SLC8A1: variants seen among roughly 807,000 people sequenced by gnomAD.
SLC8A1 encodes solute carrier family 8 member A1.
Under a neutral mutation model 68.3 loss-of-function variants are expected in SLC8A1, and 18 were observed. The observed-to-expected ratio is 0.26, with a 90% CI of 0.18 to 0.39. The LOEUF is 0.39. Ranked by LOEUF, SLC8A1 falls within the 10% of genes least tolerant of loss-of-function variation. SLC8A1 has a pLI of 1.00. For synonymous variants in SLC8A1, 475 were observed against 415.5 expected, an observed-to-expected ratio of 1.14 and a Z score of -1.74; for missense variants, 985 against 1,156.7, an observed-to-expected ratio of 0.85 and a Z score of 2.15.
At chr2:40,098,368 G>GA (rs1282790912) in exon 8 of SLC8A1, 3 of 151,990 alleles carry the variant, frequency 2.0e-5, no homozygotes, top group Non-Finnish European at 4.4e-5. Flanking sequence ...GAGTATATTT[G>GA]AAATGGCTAG....
chr2:40,302,786 T>G (rs1472105079), intron 2 of SLC8A1, among the ~76,000 whole-genome samples: 3 of 152,112 alleles, frequency 2.0e-5, no homozygotes, highest in Non-Finnish European at 4.4e-5. Flanking sequence ...AAATGGTAGT[T>G]CCACTTTTAG....
At position 40,234,569 on chromosome 2, in the gene SLC8A1, T is replaced by C. The variant is rs1478575466; in HGVS notation, c.1809-56714A>G. Among the ~76,000 whole-genome samples the C allele has an allele frequency of 3.9e-5, 6 of 152,188 alleles. No individual in the cohort carries two copies. The East Asian group carries it at 1.2e-3, about 29-fold the overall frequency. The stretch of plus-strand genomic sequence containing the variant: ...AAAAGGGACAATTTGACTTCCTCTT[T>C]TCCTAATTGAATACCCTTTATTTCC... On this transcript the variant is annotated intron_variant, in intron 2 of 7. Coordinates refer to ENST00000406785, the Ensembl canonical transcript of SLC8A1.
chr2:40,367,208 G>C (rs1268410201), intron 2 of SLC8A1, among the ~76,000 whole-genome samples: 2 of 151,968 alleles, frequency 1.3e-5, no homozygotes, highest in African/African-American at 4.8e-5. Flanking sequence ...TAATCAGGCA[G>C]ATGGCATCCT....
chr2:40,279,553 C>T (rs1277542710), intron 2 of SLC8A1, among the ~76,000 whole-genome samples: 2 of 152,116 alleles, frequency 1.3e-5, no homozygotes, highest in Non-Finnish European at 2.9e-5. Context: ...AAAGCAAGAC[C>T]TATTAAGGCA....
chr2:40,154,676 T>TTTG (rs2044132440), intron 6 of SLC8A1, among the ~76,000 whole-genome samples: 1 of 151,990 alleles, frequency 6.6e-6, no homozygotes. Flanking sequence ...AGTTTTCTTT[T>TTTG]TTGTTTTTGG....
upstream of SLC8A1, among the ~76,000 whole-genome samples, chr2:40,456,545 G>C (rs1703035456): frequency 6.6e-6 from 1 of 152,124 alleles, no homozygotes; most frequent in South Asian, 2.1e-4. Flanking sequence ...ATCTGTGTTA[G>C]ATTTTTCAGA....
At chr2:40,188,352 T>A (rs1054100522) in intron 2 of SLC8A1, among the ~76,000 whole-genome samples, 1 of 152,246 alleles carries the variant, frequency 6.6e-6, no homozygotes, top group South Asian at 2.1e-4. Context: ...GCATCTTTTC[T>A]AGAAATGAAA....
chr2:40,258,881 A>G (rs575014210), intron 2 of SLC8A1, among the ~76,000 whole-genome samples: 10 of 151,884 alleles, frequency 6.6e-5, no homozygotes, highest in Middle Eastern at 3.4e-3. Context: ...AAAAAACCCA[A>G]TCTTCCTGAT....
At chr2:40,442,397 C>CAAAAAAAAA (rs550977492) in intron 1 of SLC8A1, among the ~76,000 whole-genome samples, 1 of 75,766 alleles carries the variant, frequency 1.3e-5, no homozygotes, top group Non-Finnish European at 2.7e-5. Context: ...CTTAAATTTA[C>CAAAAAAAAA]AAAAAAAAAA....
intron 2 of SLC8A1, among the ~76,000 whole-genome samples, chr2:40,345,881 A>G (rs905591918): frequency 6.6e-6 from 1 of 151,966 alleles, no homozygotes; most frequent in African/African-American, 2.4e-5. Flanking sequence ...CATTAGGACA[A>G]ATACCTAATG....
At chr2:40,287,906 A>G (rs371150210) in intron 2 of SLC8A1, among the ~76,000 whole-genome samples, 24 of 152,180 alleles carry the variant, frequency 1.6e-4, no homozygotes, top group South Asian at 1.0e-3. Flanking sequence ...GGGATTCTGG[A>G]AAGAGGAAGA....
At chr2:40,188,046 T>A (rs975988731) in intron 2 of SLC8A1, among the ~76,000 whole-genome samples, 1 of 152,114 alleles carries the variant, frequency 6.6e-6, no homozygotes, top group African/African-American at 2.4e-5. Flanking sequence ...CAGTGAAAAT[T>A]AAAGTGGATC....
intron 2 of SLC8A1, among the ~76,000 whole-genome samples, chr2:40,319,883 G>C (rs1478381070): frequency 6.6e-6 from 1 of 152,102 alleles, no homozygotes; most frequent in Non-Finnish European, 1.5e-5. Context: ...TCTGTGGAGA[G>C]AGCTTACCAA....
intron 1 of SLC8A1, among the ~76,000 whole-genome samples, chr2:40,465,798 A>C (rs1179476783): frequency 6.6e-6 from 1 of 152,184 alleles, no homozygotes; most frequent in Non-Finnish European, 1.5e-5. Context: ...AATGTGTTGG[A>C]AAACTTATCT....
chr2:40,314,600 A>G (rs1050113141), intron 2 of SLC8A1, among the ~76,000 whole-genome samples: 4 of 152,024 alleles, frequency 2.6e-5, no homozygotes, highest in Non-Finnish European at 5.9e-5. Flanking sequence ...GGGAAGAACG[A>G]TTATCTTAAA....
chr2:40,181,082 C>G (rs1038219250), intron 2 of SLC8A1, among the ~76,000 whole-genome samples: 4 of 152,180 alleles, frequency 2.6e-5, no homozygotes, highest in African/African-American at 9.7e-5. Context: ...GCCTCAGCCT[C>G]CTGAGTAGCT....
intron 2 of SLC8A1, among the ~76,000 whole-genome samples, chr2:40,203,011 A>G (rs2054690806): frequency 6.6e-6 from 1 of 152,014 alleles, no homozygotes; most frequent in Admixed American, 6.6e-5. Flanking sequence ...CAGTGACTCT[A>G]CAGCCATGCT....
At chr2:40,461,732 A>G (rs555747318) in intron 1 of SLC8A1, among the ~76,000 whole-genome samples, 1 of 152,312 alleles carries the variant, frequency 6.6e-6, no homozygotes, top group South Asian at 2.1e-4. Context: ...TTGATCATAT[A>G]TATTCAGAAG....
At chr2:40,306,461 G>C (rs1190324135) in intron 2 of SLC8A1, among the ~76,000 whole-genome samples, 2 of 128,260 alleles carry the variant, frequency 1.6e-5, no homozygotes, top group African/African-American at 8.8e-5. Flanking sequence ...GTGGGGGGGG[G>C]CATAGCGTGG....
Sources: gnomAD v4.1 joint callset for allele counts (sites outside exome capture counted in the v4.1 genomes callset) on GRCh38, gnomAD v4.1.1 for gene constraint, MANE v1.5 for transcripts, NCBI Gene and HGNC (gene_info 2026-07-23, HGNC 2026-07-21) for gene names.